The following CTNND2 variants were observed in gnomAD, a reference collection of about 807,000 sequenced individuals.
CTNND2 encodes the protein catenin delta-2.
Under a neutral mutation model 144.4 loss-of-function variants are expected in CTNND2, and 22 were observed. The ratio of observed to expected loss-of-function variants is 0.15; its 90% CI spans 0.11 to 0.22. CTNND2 has a LOEUF of 0.22. Among genes scored for constraint, CTNND2 ranks in the 10% least tolerant of loss-of-function variants. The pLI is 1.00. For synonymous variants in CTNND2, 751 were observed against 695.6 expected (o/e 1.08, Z -1.25); for missense variants, 1,353 against 1,618.8 (o/e 0.84, Z 2.82).
chr5:11,227,795 A>G (rs1561053099), intron 10 of CTNND2, among the ~76,000 whole-genome samples: 1 of 152,224 alleles, frequency 6.6e-6, no homozygotes, highest in South Asian at 2.1e-4. Context: ...TATAAATGAT[A>G]TAAGTATATT....
chr5:11,460,433 A>G (rs1234364894), intron 3 of CTNND2, among the ~76,000 whole-genome samples: 1 of 152,224 alleles, frequency 6.6e-6, no homozygotes, highest in Non-Finnish European at 1.5e-5. Flanking sequence ...AAATGTTGAG[A>G]CACTAGATGT....
chr5:11,155,987 G>A (rs949209417), intron 12 of CTNND2, among the ~76,000 whole-genome samples: 2 of 152,180 alleles, frequency 1.3e-5, no homozygotes, highest in African/African-American at 4.8e-5. Flanking sequence ...CCCTGTAAAT[G>A]TGCCTCCTTC....
chr5:11,693,812 T>C (rs1785017229), intron 2 of CTNND2, among the ~76,000 whole-genome samples: 1 of 152,242 alleles, frequency 6.6e-6, no homozygotes, highest in African/African-American at 2.4e-5. Flanking sequence ...ATGATAACAC[T>C]GAATTAGAGA....
intron 2 of CTNND2, among the ~76,000 whole-genome samples, chr5:11,690,734 C>T (rs1048089793): frequency 9.4e-6 from 1 of 106,240 alleles, no homozygotes; most frequent in African/African-American, 3.9e-5. Context: ...CAGAGCGAGA[C>T]TCCGTCTCAA....
rs1252552051 is a variant in CTNND2 at position 11,609,323 on chromosome 5, TTTTA to T, written c.175-44271_175-44268del. 6.6e-5 allele frequency among the ~76,000 whole-genome samples: 10 copies of T among 152,268 alleles called. No individual in the cohort carries two copies. The South Asian group carries it at 1.9e-3, about 28-fold the overall frequency. On this transcript the variant is annotated intron_variant, in intron 2 of 21. Transcript: ENST00000304623. ...CTACTGTCCACTAAATCTGAGAGTG[TTTTA>T]TTTATTTTTTCTTTTTGATGAATTA... is the stretch of plus-strand genomic sequence containing the variant.
At chr5:11,728,686 C>G (rs539008242) in intron 2 of CTNND2, among the ~76,000 whole-genome samples, 16 of 152,174 alleles carry the variant, frequency 1.1e-4, no homozygotes, top group Admixed American at 1.0e-3. Flanking sequence ...ATTAGTGTAA[C>G]AATAGAGTAT....
chr5:11,531,062 T>C (rs1295903472), intron 3 of CTNND2, among the ~76,000 whole-genome samples: 2 of 152,202 alleles, frequency 1.3e-5, no homozygotes, highest in South Asian at 2.1e-4. Context: ...TTTACTCTAC[T>C]GGCAAGAGAT....
At chr5:11,027,559 A>G (rs766718076) in intron 16 of CTNND2, among the ~76,000 whole-genome samples, 2 of 152,140 alleles carry the variant, frequency 1.3e-5, no homozygotes, top group African/African-American at 4.8e-5. Context: ...ATTTTCATCA[A>G]TGATGGACTA....
intron 3 of CTNND2, among the ~76,000 whole-genome samples, chr5:11,532,451 G>A (rs1222959779): frequency 6.6e-6 from 1 of 152,086 alleles, no homozygotes; most frequent in African/African-American, 2.4e-5. Context: ...CATTCTTCAA[G>A]CCAACTTCAA....
At chr5:11,188,751 T>G (rs1305758142) in intron 11 of CTNND2, among the ~76,000 whole-genome samples, 2 of 152,188 alleles carry the variant, frequency 1.3e-5, no homozygotes, top group African/African-American at 4.8e-5. Context: ...AGAAGCCATA[T>G]GGCTAGAAGG....
At chr5:11,644,529 C>G (rs1782246190) in intron 2 of CTNND2, among the ~76,000 whole-genome samples, 2 of 151,986 alleles carry the variant, frequency 1.3e-5, no homozygotes, top group African/African-American at 2.4e-5. Context: ...AAAAAATTAG[C>G]TGGGTGTGGT....
intron 1 of CTNND2, among the ~76,000 whole-genome samples, chr5:11,828,972 G>C (rs1340973408): frequency 6.6e-6 from 1 of 152,110 alleles, no homozygotes; most frequent in Non-Finnish European, 1.5e-5. Flanking sequence ...GGAACTTGTT[G>C]GGAACTGAAG....
chr5:11,319,732 G>C (rs745366207), intron 9 of CTNND2, among the ~76,000 whole-genome samples: 5 of 152,078 alleles, frequency 3.3e-5, no homozygotes, highest in Admixed American at 2.0e-4. Flanking sequence ...TGTTGGCCAC[G>C]CTGGTCTCGA....
At chr5:11,869,174 T>A (rs1795910232) in intron 1 of CTNND2, among the ~76,000 whole-genome samples, 1 of 152,242 alleles carries the variant, frequency 6.6e-6, no homozygotes, top group South Asian at 2.1e-4. Context: ...GTCTATTCAC[T>A]CAAAACAGGT....
chr5:11,367,052 G>A (rs1192147935), intron 7 of CTNND2, among the ~76,000 whole-genome samples: 2 of 152,168 alleles, frequency 1.3e-5, no homozygotes, highest in Non-Finnish European at 2.9e-5. Flanking sequence ...TATCTGAATA[G>A]GATACTATAC....
chr5:11,365,432 T>C (rs919769926), intron 7 of CTNND2, among the ~76,000 whole-genome samples: 4 of 152,302 alleles, frequency 2.6e-5, no homozygotes, highest in African/African-American at 9.6e-5. Context: ...GAAGCAGATA[T>C]TAAAGAAAGA....
intron 16 of CTNND2, among the ~76,000 whole-genome samples, chr5:11,028,131 C>G (rs1211628227): frequency 6.6e-6 from 1 of 152,124 alleles, no homozygotes; most frequent in Admixed American, 6.5e-5. Flanking sequence ...CTGATGGAGT[C>G]CTATGTGTAG....
chr5:11,267,641 A>G (rs192606667), intron 9 of CTNND2, among the ~76,000 whole-genome samples: 1 of 152,328 alleles, frequency 6.6e-6, no homozygotes, highest in East Asian at 1.9e-4. Flanking sequence ...TGTGATTTAA[A>G]AGGACTGCAC....
At chr5:11,683,426 T>C (rs1229369014) in intron 2 of CTNND2, among the ~76,000 whole-genome samples, 2 of 152,192 alleles carry the variant, frequency 1.3e-5, no homozygotes, top group Non-Finnish European at 2.9e-5. Flanking sequence ...CAATTCATAG[T>C]CCATAATAAA....
Sources: allele counts gnomAD v4.1 joint callset (sites outside exome capture counted in the v4.1 genomes callset), GRCh38; gene constraint gnomAD v4.1.1; transcripts MANE v1.5; gene names NCBI Gene and HGNC (gene_info 2026-07-23, HGNC 2026-07-21).